The following MTAP variants were observed in gnomAD, a reference collection of about 807,000 sequenced individuals.
The protein encoded by MTAP is S-methyl-5'-thioadenosine phosphorylase.
In MTAP, 33 loss-of-function variants were observed where a neutral mutation model predicts 33.6. The ratio of observed to expected loss-of-function variants is 0.98; its 90% CI spans 0.74 to 1.31. The LOEUF is 1.31. MTAP is among the 40% of genes most tolerant of loss of function. The probability of loss-of-function intolerance (pLI) is 0.00; values close to 1 mark genes in which losing one functional copy is unlikely to be tolerated. For synonymous variants in MTAP, 148 were observed against 125.7 expected (o/e 1.18, Z -1.19); for missense variants, 367 against 360.0 (o/e 1.02, Z -0.16).
intron 1 of MTAP, among the ~76,000 whole-genome samples, chr9:21,881,609 A>G (rs1022675893): frequency 3.3e-5 from 5 of 152,090 alleles, no homozygotes; most frequent in Non-Finnish European, 5.9e-5. Context: ...ATGATAGCAA[A>G]TAACCAATAA....
chr9:21,805,497 G>A (rs1214469251), intron 1 of MTAP, among the ~76,000 whole-genome samples: 7 of 152,326 alleles, frequency 4.6e-5, no homozygotes, highest in Admixed American at 6.5e-5. Context: ...TGGGTGAGGG[G>A]TGTCAGAAAA....
chr9:21,875,317 T>G lies in MTAP; in HGVS notation c.147+20447T>G, dbSNP rs191155056. 4.1e-3 allele frequency among the ~76,000 whole-genome samples: 618 copies of G among 152,316 alleles called. 4 individuals are homozygous for G. Among genetic ancestry groups the G allele is most frequent in the Non-Finnish European group, 5.5e-3 (375 of 68,018 alleles). ...ACTGGTGTGAGATGGTATCTCATGG[T>G]GGTTTTGATTAGCATTTCTCTAATG... On this transcript the variant is annotated intron_variant, in intron 1 of 1. Coordinates refer to the MTAP transcript ENST00000577563.
intron 4 of MTAP, among the ~76,000 whole-genome samples, chr9:21,825,456 G>A (rs150784844): frequency 9.8e-4 from 149 of 152,268 alleles, no homozygotes; most frequent in African/African-American, 3.1e-3. Flanking sequence ...AGTAATGGCT[G>A]TATTAATTTA....
intron 1 of MTAP, among the ~76,000 whole-genome samples, chr9:21,908,035 A>C (rs1184169899): frequency 2.0e-5 from 3 of 152,216 alleles, no homozygotes; most frequent in Non-Finnish European, 4.4e-5. Flanking sequence ...CATGATATTA[A>C]CATTGATATA....
chr9:21,822,317 C>G (rs1156530157), intron 4 of MTAP, among the ~76,000 whole-genome samples: 4 of 152,156 alleles, frequency 2.6e-5, no homozygotes, highest in African/African-American at 9.7e-5. Flanking sequence ...CCCAGAGATT[C>G]TGGTATGTTG....
intron 1 of MTAP, among the ~76,000 whole-genome samples, chr9:21,876,584 T>G (rs151061140): frequency 2.0e-5 from 3 of 152,208 alleles, no homozygotes; most frequent in Non-Finnish European, 4.4e-5. Context: ...ATCCTATGCA[T>G]ATGACTAACC....
chr9:21,826,289 G>A (rs1201782128), intron 4 of MTAP, among the ~76,000 whole-genome samples: 1 of 149,476 alleles, frequency 6.7e-6, no homozygotes, highest in South Asian at 2.1e-4. Context: ...TTTAATAGTT[G>A]GTTTGTTCAA....
chr9:21,845,247 G>A (rs577011964), intron 5 of MTAP, among the ~76,000 whole-genome samples: 1 of 152,232 alleles, frequency 6.6e-6, no homozygotes, highest in Non-Finnish European at 1.5e-5. Flanking sequence ...AACTGTTGCT[G>A]TTCACCAATG....
At chr9:21,827,903 G>C (rs1824863185) in intron 4 of MTAP, among the ~76,000 whole-genome samples, 1 of 152,322 alleles carries the variant, frequency 6.6e-6, no homozygotes, top group South Asian at 2.1e-4. Context: ...CCATATTCAG[G>C]ATGATCCAGA....
chr9:21,858,476 T>C (rs1825683924), intron 6 of MTAP, among the ~76,000 whole-genome samples: 1 of 152,124 alleles, frequency 6.6e-6, no homozygotes, highest in Middle Eastern at 3.2e-3. Flanking sequence ...TCCAATCATG[T>C]TGGAAGGCAA....
intron 5 of MTAP, among the ~76,000 whole-genome samples, chr9:21,841,606 C>G (rs1022331337): frequency 6.7e-6 from 1 of 150,358 alleles, no homozygotes; most frequent in African/African-American, 2.4e-5. Flanking sequence ...TCGCAGTACT[C>G]ATTGCAGACA....
intron 1 of MTAP, among the ~76,000 whole-genome samples, chr9:21,876,022 C>T (rs529048024): frequency 8.5e-5 from 13 of 152,276 alleles, no homozygotes; most frequent in African/African-American, 3.1e-4. Flanking sequence ...TCCACAACCT[C>T]GTCAGCATCT....
intron 4 of MTAP, among the ~76,000 whole-genome samples, chr9:21,823,757 T>C (rs1266742339): frequency 3.3e-5 from 5 of 152,228 alleles, no homozygotes; most frequent in African/African-American, 9.6e-5. Context: ...ACCAATCAGA[T>C]GTAGATTTGG....
intron 1 of MTAP, among the ~76,000 whole-genome samples, chr9:21,885,495 G>GC: frequency 6.6e-6 from 1 of 151,966 alleles, no homozygotes; most frequent in East Asian, 1.9e-4. Context: ...CTTTAGTGTT[G>GC]ATTTCCAAAA....
intron 1 of MTAP, among the ~76,000 whole-genome samples, chr9:21,914,142 A>G (rs1245713887): frequency 6.6e-6 from 1 of 152,182 alleles, no homozygotes; most frequent in African/African-American, 2.4e-5. Flanking sequence ...TAGGTGCTGG[A>G]GAGGATGTGG....
In MTAP at chr9:21,802,859, C is replaced by A. The variant is rs535782573; in HGVS notation, c.33+78C>A. On this transcript the variant is annotated intron_variant, in intron 1 of 7. Coordinates refer to ENST00000644715, the MANE Select transcript of MTAP (RefSeq NM_002451.4). ...CCCCCGCGCCGGGGGACCGCGCCTC[C>A]GGGGGCCATGCGCCCGGCCCGTGCG... is the stretch of plus-strand genomic sequence containing the variant. 136 of 1,579,772 alleles carry A rather than the reference C, an allele frequency of 8.6e-5. No homozygotes were observed. In the African/African-American group the frequency reaches 1.7e-3, roughly 20 times the overall value.
chr9:21,858,817 C>T (rs1825691866), intron 6 of MTAP: 1 of 152,538 alleles, frequency 6.6e-6, no homozygotes, highest in Non-Finnish European at 1.5e-5. Flanking sequence ...AGCTTGAACT[C>T]AGGGGTTTAA....
At chr9:21,876,685 C>T (rs1826014810) in intron 1 of MTAP, among the ~76,000 whole-genome samples, 1 of 151,906 alleles carries the variant, frequency 6.6e-6, no homozygotes. Context: ...AGATGTGCAG[C>T]CTTATTTCTG....
chr9:21,916,724 A>G (rs1403334008), intron 1 of MTAP, among the ~76,000 whole-genome samples: 1 of 152,192 alleles, frequency 6.6e-6, no homozygotes, highest in East Asian at 1.9e-4. Flanking sequence ...TGTCACTGAC[A>G]CTAGATGTAC....
Sources: allele counts gnomAD v4.1 joint callset (sites outside exome capture counted in the v4.1 genomes callset), GRCh38; gene constraint gnomAD v4.1.1; transcripts MANE v1.5; gene names NCBI Gene and HGNC (gene_info 2026-07-23, HGNC 2026-07-21).